Variants in CAMK1D observed in about 807,000 individuals in gnomAD.
CAMK1D encodes calcium/calmodulin dependent protein kinase ID, also known as calcium/calmodulin-dependent protein kinase type 1D.
Under a neutral mutation model 47.7 loss-of-function variants are expected in CAMK1D, and 9 were observed. The observed-to-expected ratio is 0.19, with a 90% confidence interval of 0.11 to 0.33. The LOEUF is 0.33. Ranked by LOEUF, CAMK1D falls within the 10% of genes least tolerant of loss-of-function variation. CAMK1D has a pLI of 1.00. For synonymous variants in CAMK1D, 184 were observed against 184.9 expected, an observed-to-expected ratio of 0.99 and a Z score of 0.04; for missense variants, 291 against 488.7, an observed-to-expected ratio of 0.60 and a Z score of 3.81.
At chr10:12,596,458 A>C (rs943110663) in intron 2 of CAMK1D, among the ~76,000 whole-genome samples, 1 of 152,118 alleles carries the variant, frequency 6.6e-6, no homozygotes, top group Non-Finnish European at 1.5e-5. Flanking sequence ...TTCACTTTAC[A>C]GTTTACATTG....
At chr10:12,402,669 A>G (rs539874613) in intron 1 of CAMK1D, among the ~76,000 whole-genome samples, 57 of 152,288 alleles carry the variant, frequency 3.7e-4, no homozygotes, top group African/African-American at 1.3e-3. Flanking sequence ...GTCCTGGAAC[A>G]GGGGAGTCAG....
At chr10:12,686,778 T>C (rs1368949437) in intron 3 of CAMK1D, among the ~76,000 whole-genome samples, 1 of 152,220 alleles carries the variant, frequency 6.6e-6, no homozygotes, top group Non-Finnish European at 1.5e-5. Flanking sequence ...CATTTTTTAC[T>C]GTATACACTT....
chr10:12,818,941 G>A (rs1441687140), intron 8 of CAMK1D, among the ~76,000 whole-genome samples: 1 of 152,144 alleles, frequency 6.6e-6, no homozygotes, highest in African/African-American at 2.4e-5. Flanking sequence ...GGTAATAAAG[G>A]TTTTCTTACT....
chr10:12,424,800 C>T (rs534443519), intron 1 of CAMK1D, among the ~76,000 whole-genome samples: 13 of 152,300 alleles, frequency 8.5e-5, no homozygotes, highest in African/African-American at 3.1e-4. Flanking sequence ...CAGAGCGAGA[C>T]CCCATCTCAC....
In CAMK1D at chr10:12,816,378, G is replaced by A. The variant is rs769401864; in HGVS notation, c.833+50G>A. ...GACCGTGCCATTTAATGCCATCTGG[G>A]GGGGGCACGAAACTTCCTGTTGGCC... On this transcript the variant is annotated intron_variant, in intron 8 of 10. Transcript: ENST00000619168. The A allele has an allele frequency of 3.2e-5, 47 of 1,466,872 alleles. No individual in the cohort carries two copies. The East Asian group carries it at 9.2e-4, about 29-fold the overall frequency. 90.9% of individuals were successfully genotyped at this position (1,466,872 alleles called of 1,614,324 possible). A position where few individuals can be genotyped will look rare whatever the true frequency, so the allele number is the denominator to read the frequency against.
At chr10:12,463,281 G>A (rs1292613902) in intron 1 of CAMK1D, among the ~76,000 whole-genome samples, 2 of 151,982 alleles carry the variant, frequency 1.3e-5, no homozygotes, top group Non-Finnish European at 2.9e-5. Flanking sequence ...GAGATTAGAG[G>A]CGCACACCAC....
At position 12,695,844 on chromosome 10, in the gene CAMK1D, C is replaced by T. The variant is rs573582884; in HGVS notation, c.299+29034C>T. 7.9e-5 allele frequency among the ~76,000 whole-genome samples: 12 copies of T among 152,146 alleles called. 1 individual carries two copies. In the South Asian group the frequency reaches 8.3e-4, roughly 11 times the overall value. On this transcript the variant is annotated intron_variant, in intron 3 of 10. Transcript: ENST00000619168. Reference sequence around the variant, plus strand: ...CTGTAATCCCAGCACTTTGGCAGGCCGAGGCGGGTGGATCATGAGGTCAGG... The same window carrying T: ...CTGTAATCCCAGCACTTTGGCAGGCTGAGGCGGGTGGATCATGAGGTCAGG...
At chr10:12,606,920 T>C (rs1055955352) in intron 2 of CAMK1D, among the ~76,000 whole-genome samples, 2 of 152,066 alleles carry the variant, frequency 1.3e-5, no homozygotes, top group Non-Finnish European at 2.9e-5. Flanking sequence ...CTCCGCCTCC[T>C]GGGTTCAAGT....
At chr10:12,788,224 CT>C (rs11361548) in intron 5 of CAMK1D, among the ~76,000 whole-genome samples, 138,112 of 152,194 alleles carry the variant, frequency 0.91, 64,071 homozygotes, top group Non-Finnish European at 1. Flanking sequence ...GGGCCTCACT[CT>C]TGTTGCCCAG....
At chr10:12,631,105 G>GA (rs138316779) in intron 2 of CAMK1D, among the ~76,000 whole-genome samples, 12,621 of 152,204 alleles carry the variant, frequency 0.083, 544 homozygotes, top group African/African-American at 0.099. Flanking sequence ...TTCTCACAGT[G>GA]ATTTTTGTGT....
chr10:12,395,755 C>T (rs1838921070), intron 1 of CAMK1D, among the ~76,000 whole-genome samples: 1 of 149,894 alleles, frequency 6.7e-6, no homozygotes, highest in South Asian at 2.1e-4. Flanking sequence ...AAAAATTAGC[C>T]ATCTCTATGA....
chr10:12,360,172 C>G (rs1011045063), intron 1 of CAMK1D, among the ~76,000 whole-genome samples: 9 of 152,186 alleles, frequency 5.9e-5, no homozygotes, highest in Non-Finnish European at 5.9e-5. Flanking sequence ...CTCTCTCTTT[C>G]ATGACCACAA....
rs912494465 is a variant in CAMK1D, at chr10:12,815,553, A to G, written c.755-697A>G. 3.3e-5 allele frequency among the ~76,000 whole-genome samples: 5 copies of G among 152,342 alleles called. No individual in the cohort carries two copies. The South Asian group carries it at 8.3e-4, about 25-fold the overall frequency. On this transcript the variant is annotated intron_variant, in intron 7 of 10. Transcript: ENST00000619168. ...TCAGAGGAGCACAGCCTTCCCCCAGAAGCCCAGTCCTTTGGGCATTGAGGG... is the reference window on the plus strand; with the variant it reads ...TCAGAGGAGCACAGCCTTCCCCCAGGAGCCCAGTCCTTTGGGCATTGAGGG...
At chr10:12,539,036 G>T (rs1323182741) in intron 1 of CAMK1D, among the ~76,000 whole-genome samples, 1 of 152,106 alleles carries the variant, frequency 6.6e-6, no homozygotes, top group Non-Finnish European at 1.5e-5. Context: ...CAAAGTGCTG[G>T]GATTACAGGC....
At chr10:12,403,754 C>T (rs1375767828) in intron 1 of CAMK1D, among the ~76,000 whole-genome samples, 4 of 151,970 alleles carry the variant, frequency 2.6e-5, no homozygotes, top group Non-Finnish European at 4.4e-5. Flanking sequence ...ATTGTAACAA[C>T]TATATTGTAT....
intron 1 of CAMK1D, among the ~76,000 whole-genome samples, chr10:12,362,205 T>C (rs1169356662): frequency 6.6e-6 from 1 of 152,100 alleles, no homozygotes; most frequent in East Asian, 1.9e-4. Context: ...TCTTTCATCT[T>C]CCCACATTGA....
intron 3 of CAMK1D, among the ~76,000 whole-genome samples, chr10:12,751,078 T>TAAGACAAGACAAGACAAGAC (rs1835937050): frequency 1.7e-5 from 1 of 60,174 alleles, no homozygotes; most frequent in East Asian, 5.6e-4. Flanking sequence ...TAAGATAAGA[T>TAAGACAAGACAAGACAAGAC]AAGATAAGAT....
intron 3 of CAMK1D, among the ~76,000 whole-genome samples, chr10:12,709,769 G>T (rs1403594396): frequency 2.6e-5 from 4 of 152,134 alleles, no homozygotes; most frequent in African/African-American, 9.7e-5. Flanking sequence ...GATTTAATCA[G>T]CTTCAAAGTA....
rs113408201 is a variant in CAMK1D, at chr10:12,817,950, A to G, written c.833+1622A>G. On this transcript the variant is annotated intron_variant, in intron 8 of 10. Transcript: ENST00000619168. Reference sequence around the variant, plus strand: ...GTGATCCACCTGTTTCGGCCTCCCAAAGTGCTGGGATTACAGGTGTGAGCC... The same window carrying G: ...GTGATCCACCTGTTTCGGCCTCCCAGAGTGCTGGGATTACAGGTGTGAGCC... 7.6e-3 allele frequency among the ~76,000 whole-genome samples: 1,153 copies of G among 152,224 alleles called. 19 individuals carry two copies. Among genetic ancestry groups the G allele is most frequent in the African/African-American group, 0.027 (1,103 of 41,534 alleles).
Sources: gnomAD v4.1 joint callset for allele counts (sites outside exome capture counted in the v4.1 genomes callset) on GRCh38, gnomAD v4.1.1 for gene constraint, MANE v1.5 for transcripts, NCBI Gene and HGNC (gene_info 2026-07-23, HGNC 2026-07-21) for gene names.